RUFY1: variants seen among roughly 807,000 people sequenced by gnomAD.
RUFY1 encodes the protein RUN and FYVE domain-containing protein 1.
RUFY1 carries 54 observed loss-of-function variants against 94.6 expected under a neutral mutation model. That is an observed-to-expected ratio of 0.57 (90% CI 0.46 to 0.72). The LOEUF (loss-of-function observed/expected upper bound fraction) is 0.72, where lower values mean the gene tolerates loss of function less well. Ranked by LOEUF, RUFY1 falls within the 30% of genes least tolerant of loss-of-function variation. The pLI, the probability that RUFY1 is intolerant of heterozygous loss-of-function variation, is 0.00. For synonymous variants in RUFY1, 396 were observed against 347.3 expected, an observed-to-expected ratio of 1.14 and a Z score of -1.56; for missense variants, 883 against 883.9, an observed-to-expected ratio of 1.00 and a Z score of 0.01.
intron 10 of RUFY1, 44 bp from the exon 11 acceptor site, chr5:179,593,434 G>T (rs1381143775): frequency 6.4e-7 from 1 of 1,568,924 alleles, no homozygotes; most frequent in East Asian, 2.3e-5. Context: ...ATACATTTCT[G>T]TGATCTATTT....
chr5:179,575,507 A>C (rs1332395673), intron 5 of RUFY1, among the ~76,000 whole-genome samples: 1 of 152,178 alleles, frequency 6.6e-6, no homozygotes, highest in Non-Finnish European at 1.5e-5. Context: ...CCTCAAGAGA[A>C]AGAGCTGGGT....
In RUFY1 at chr5:179,591,745, A is replaced by C. The variant is rs1343835129; in HGVS notation, c.1245+4A>C. On this transcript the variant is annotated splice_donor_region_variant and intron_variant, in intron 10 of 17. Transcript: ENST00000319449. ...AGAGGAGAAGAAAGTCCGGTTGGTG[A>C]GTGTGCAAGACCGAGTGTCTTTAGA... The C allele has an allele frequency of 6.5e-7, 1 of 1,543,730 alleles. No homozygotes were observed. The highest frequency in any genetic ancestry group is 8.9e-7 in the Non-Finnish European group (1 of 1,120,774).
chr5:179,604,998 A>G (rs1420058810), intron 15 of RUFY1, among the ~76,000 whole-genome samples: 1 of 149,158 alleles, frequency 6.7e-6, no homozygotes. Context: ...AAAAAAAAGA[A>G]AAAAAGAAAA....
chr5:179,582,563 T>C (rs972637819), intron 7 of RUFY1, among the ~76,000 whole-genome samples: 2 of 152,180 alleles, frequency 1.3e-5, no homozygotes, highest in Non-Finnish European at 2.9e-5. Flanking sequence ...CCTTTTAACA[T>C]GTAACCTGGT....
chr5:179,551,361 T>C (rs141317388), intron 1 of RUFY1, among the ~76,000 whole-genome samples: 83 of 152,366 alleles, frequency 5.4e-4, no homozygotes, highest in African/African-American at 1.9e-3. Flanking sequence ...TCAGCCCTTG[T>C]AATGAACAGA....
At chr5:179,593,726 C>G (rs1352905491) in intron 11 of RUFY1, 81 bp downstream of exon 11, 1 of 1,530,822 alleles carries the variant, frequency 6.5e-7, no homozygotes, top group Non-Finnish European at 8.8e-7. Flanking sequence ...ACAAAATGAG[C>G]GAGTAGACAC....
intron 9 of RUFY1, among the ~76,000 whole-genome samples, chr5:179,590,399 C>T (rs1443419003): frequency 6.6e-6 from 1 of 151,918 alleles, no homozygotes; most frequent in Non-Finnish European, 1.5e-5. Context: ...TAAATTCACT[C>T]AGTGCTAAAA....
intron 13 of RUFY1, 35 bp from the exon 14 acceptor site, chr5:179,598,657 A>G: frequency 6.2e-7 from 1 of 1,612,630 alleles, no homozygotes. Context: ...AAAGTCTCCC[A>G]CTGAGACTAA....
At chr5:179,597,425 C>T (rs893575994) in intron 13 of RUFY1, among the ~76,000 whole-genome samples, 3 of 152,046 alleles carry the variant, frequency 2.0e-5, no homozygotes, top group African/African-American at 7.2e-5. Flanking sequence ...TTAGTAGAGA[C>T]GGGGTTTCAC....
At chr5:179,593,987 G>A (rs1765323278) in intron 11 of RUFY1, among the ~76,000 whole-genome samples, 1 of 151,794 alleles carries the variant, frequency 6.6e-6, no homozygotes, top group African/African-American at 2.4e-5. Flanking sequence ...ATTGTTTATA[G>A]CAAGCATGGA....
rs1257132987 is a variant in RUFY1, at chr5:179,609,565, G to C, written c.*46G>C. 3 of 1,520,040 alleles carry C rather than the reference G, an allele frequency of 2.0e-6. No homozygotes were observed. The highest frequency in any genetic ancestry group is 2.6e-6 in the Non-Finnish European group (3 of 1,132,884). 94.2% of individuals were successfully genotyped at this position (1,520,040 alleles called of 1,614,324 possible). Reference sequence around the variant, plus strand: ...AGCCTCACGGACAGTGCCAAACCCTGTGGGTCTCCAGGGGCTTGGGAAATG... The same window carrying C: ...AGCCTCACGGACAGTGCCAAACCCTCTGGGTCTCCAGGGGCTTGGGAAATG... On this transcript the variant is annotated 3_prime_UTR_variant, in exon 18 of 18. Transcript: ENST00000319449.
At chr5:179,552,164 C>CAAAAAAA (rs563730431) in intron 1 of RUFY1, among the ~76,000 whole-genome samples, 5,186 of 73,310 alleles carry the variant, frequency 0.071, 654 homozygotes, top group Middle Eastern at 0.14. Context: ...GACTCTGTCT[C>CAAAAAAA]AAAAAAAAAA....
At chr5:179,554,908 C>T (rs1381170460) in intron 1 of RUFY1, among the ~76,000 whole-genome samples, 1 of 151,666 alleles carries the variant, frequency 6.6e-6, no homozygotes, top group Non-Finnish European at 1.5e-5. Flanking sequence ...GCAGAAGTTG[C>T]AGTGAGCCAA....
rs370086474 is a variant in RUFY1 at position 179,609,510 on chromosome 5, G to C, written c.2118G>C (p.Thr706=). 3 of 1,603,704 alleles carry C rather than the reference G, an allele frequency of 1.9e-6. No individual in the cohort carries two copies. Among genetic ancestry groups the C allele is most frequent in the Admixed American group, 3.4e-5 (2 of 59,330 alleles). The change falls in exon 18 of 18, where the codon ACG becomes ACC. Residue 706 remains threonine (T), a synonymous_variant. Coordinates refer to ENST00000319449, the MANE Select transcript of RUFY1 (RefSeq NM_025158.5). ...HTLLLQRCSS[T]AS ...TGCTCCTGCAGCGCTGCTCCTCCAC[G>C]GCCTCCTGAACGTCCGTCCTCAGGA... is the stretch of plus-strand genomic sequence containing the variant.
intron 9 of RUFY1, among the ~76,000 whole-genome samples, 192 bp downstream of exon 9, chr5:179,589,839 CCCTT>C (rs2127552663): frequency 6.6e-6 from 1 of 152,334 alleles, no homozygotes; most frequent in African/African-American, 2.4e-5. Flanking sequence ...GACGGGGACT[CCCTT>C]CATGGCCTGT....
intron 14 of RUFY1, 60 bp downstream of exon 14, chr5:179,598,881 G>GC (rs1765983129): frequency 6.3e-7 from 1 of 1,590,514 alleles, no homozygotes; most frequent in Admixed American, 1.7e-5. Context: ...CCCCTAACAT[G>GC]CTCCGGGCAG....
chr5:179,577,186 TTTTGAG>T, intron 6 of RUFY1, 50 bp downstream of exon 6: 1 of 1,165,564 alleles, frequency 8.6e-7, no homozygotes, highest in Non-Finnish European at 1.2e-6. Context: ...TTTTTTTTTT[TTTTGAG>T]ACAGAATCTG....
intron 16 of RUFY1, 115 bp from the exon 17 acceptor site, chr5:179,607,467 G>A (rs527740223): frequency 1.2e-6 from 1 of 820,902 alleles, no homozygotes; most frequent in East Asian, 2.4e-5. Flanking sequence ...TGGAGAAACA[G>A]TGCCTCACTA....
chr5:179,596,645 C>T lies in RUFY1; in HGVS notation c.1595C>T (p.Ala532Val). ...CAGGAGCTGGGCGGGAGGATCGGCG[C>T]CCTGCAGCTGCAGCTCTCCCAGCTG... ...LQQELGGRIG[A>V]LQLQLSQLHE... Residue 532 changes from alanine to valine, a missense_variant, in exon 13 of 18, where the codon GCC becomes GTC. Physicochemically the swap from Ala to Val is moderately conservative, Grantham distance 64. Coordinates refer to ENST00000319449, the MANE Select transcript of RUFY1 (RefSeq NM_025158.5). 1 of 1,609,636 alleles carries T rather than the reference C, an allele frequency of 6.2e-7. No individual in the cohort carries two copies.
Sources: allele counts gnomAD v4.1 joint callset (sites outside exome capture counted in the v4.1 genomes callset), GRCh38; gene constraint gnomAD v4.1.1; transcripts MANE v1.5; gene names NCBI Gene and HGNC (gene_info 2026-07-23, HGNC 2026-07-21).